The following PDE7B variants were observed in gnomAD, a reference collection of about 807,000 sequenced individuals.
PDE7B encodes 3',5'-cyclic-AMP phosphodiesterase 7B.
PDE7B carries 29 observed loss-of-function variants against 56.2 expected under a neutral mutation model. The ratio of observed to expected loss-of-function variants is 0.52; its 90% CI spans 0.38 to 0.70. The LOEUF is 0.70. PDE7B is among the 30% of genes least tolerant of loss of function. PDE7B has a pLI of 0.00. For missense variants in PDE7B, 490 were observed against 565.0 expected, an observed-to-expected ratio of 0.87 and a Z score of 1.35; for synonymous variants, 197 against 196.9, an observed-to-expected ratio of 1.00 and a Z score of 0.00.
rs1778756921 is a variant in PDE7B at position 136,164,211 on chromosome 6, A to C, written c.711+8453A>C. ...CATCATAGCAGAAGGAGAGGCAAAC[A>C]CATCCTTCTTCACATGGTGGCAGGA... On this transcript the variant is annotated intron_variant, in intron 8 of 12. Transcript: ENST00000308191. 2.0e-5 allele frequency among the ~76,000 whole-genome samples: 3 copies of C among 152,226 alleles called. No homozygotes were observed. The South Asian group carries it at 6.2e-4, about 31-fold the overall frequency.
chr6:136,096,668 CTAT>C (rs958174193), intron 2 of PDE7B, among the ~76,000 whole-genome samples: 1 of 151,784 alleles, frequency 6.6e-6, no homozygotes, highest in African/African-American at 2.4e-5. Context: ...TTAGAAATTA[CTAT>C]TATTCTTAAG....
intron 2 of PDE7B, among the ~76,000 whole-genome samples, chr6:136,024,567 A>G (rs560689925): frequency 1.3e-5 from 2 of 152,166 alleles, no homozygotes; most frequent in Non-Finnish European, 2.9e-5. Flanking sequence ...GGGGTTACCA[A>G]TGCCAGCTCC....
chr6:136,063,350 T>C (rs1776875674), intron 2 of PDE7B, among the ~76,000 whole-genome samples: 2 of 152,178 alleles, frequency 1.3e-5, no homozygotes, highest in African/African-American at 4.8e-5. Context: ...CAATGGGATA[T>C]CTTGAGGTTA....
intron 1 of PDE7B, among the ~76,000 whole-genome samples, chr6:135,894,004 C>T (rs186157626): frequency 9.9e-4 from 151 of 152,108 alleles, no homozygotes; most frequent in Admixed American, 2.8e-3. Context: ...ATTTATATTC[C>T]ACCCACTTCC....
chr6:135,905,634 C>G (rs543130918), intron 1 of PDE7B, among the ~76,000 whole-genome samples: 1 of 152,028 alleles, frequency 6.6e-6, no homozygotes, highest in Non-Finnish European at 1.5e-5. Context: ...TGAACATGGC[C>G]GAACATCGTG....
At chr6:136,066,946 C>G (rs1776948211) in intron 2 of PDE7B, among the ~76,000 whole-genome samples, 1 of 151,580 alleles carries the variant, frequency 6.6e-6, no homozygotes, top group African/African-American at 2.4e-5. Context: ...GCCTAGAACT[C>G]CTGGCCGCAA....
intron 3 of PDE7B, among the ~76,000 whole-genome samples, chr6:136,128,197 G>A (rs17065285): frequency 0.052 from 7,846 of 152,170 alleles, 673 homozygotes; most frequent in African/African-American, 0.17. Context: ...CTTAGCACCC[G>A]TGTGCAAATC....
chr6:136,173,333 C>T (rs1778924001), intron 8 of PDE7B, among the ~76,000 whole-genome samples: 2 of 152,062 alleles, frequency 1.3e-5, no homozygotes, highest in Admixed American at 1.3e-4. Flanking sequence ...GAACAGAGCC[C>T]TCAGAAATAA....
At chr6:135,938,579 G>T (rs148622805) in intron 1 of PDE7B, among the ~76,000 whole-genome samples, 1 of 152,292 alleles carries the variant, frequency 6.6e-6, no homozygotes, top group African/African-American at 2.4e-5. Context: ...CTAAAATGGA[G>T]CTTGTGCAGA....
intron 5 of PDE7B, among the ~76,000 whole-genome samples, chr6:136,150,921 A>C (rs921771619): frequency 2.0e-4 from 31 of 151,946 alleles, no homozygotes; most frequent in African/African-American, 7.2e-4. Flanking sequence ...CTAACTCTTA[A>C]TGTCTTCATT....
At chr6:135,906,489 G>A (rs1272381177) in intron 1 of PDE7B, among the ~76,000 whole-genome samples, 1 of 152,004 alleles carries the variant, frequency 6.6e-6, no homozygotes, top group Non-Finnish European at 1.5e-5. Flanking sequence ...ATTCCCAAAT[G>A]GATATTCTGA....
intron 1 of PDE7B, among the ~76,000 whole-genome samples, chr6:135,915,571 C>A (rs531742932): frequency 6.6e-6 from 1 of 151,880 alleles, no homozygotes; most frequent in Admixed American, 6.6e-5. Flanking sequence ...GGGTATAATT[C>A]GTATACTGTA....
At chr6:136,026,282 G>A (rs1445375529) in intron 2 of PDE7B, among the ~76,000 whole-genome samples, 1 of 152,090 alleles carries the variant, frequency 6.6e-6, no homozygotes. Context: ...CGTGCAACAT[G>A]TTCTTCCTCT....
intron 3 of PDE7B, among the ~76,000 whole-genome samples, chr6:136,138,823 C>T (rs1219655019): frequency 1.3e-5 from 2 of 152,088 alleles, no homozygotes; most frequent in African/African-American, 4.8e-5. Context: ...ATAAAGAATA[C>T]ACATCATGAT....
At chr6:135,965,618 C>T (rs950959411) in intron 2 of PDE7B, among the ~76,000 whole-genome samples, 23 of 152,118 alleles carry the variant, frequency 1.5e-4, no homozygotes, top group African/African-American at 5.6e-4. Context: ...CAGGGAAACT[C>T]CCCTTTATAA....
At chr6:135,930,169 C>T (rs1455569586) in intron 1 of PDE7B, among the ~76,000 whole-genome samples, 1 of 152,136 alleles carries the variant, frequency 6.6e-6, no homozygotes, top group East Asian at 1.9e-4. Flanking sequence ...CAAGTCACCT[C>T]TTACATGGAT....
intron 2 of PDE7B, among the ~76,000 whole-genome samples, chr6:136,048,413 C>T (rs557776859): frequency 2.0e-5 from 3 of 152,122 alleles, no homozygotes; most frequent in Admixed American, 6.5e-5. Context: ...CCCAGCTACT[C>T]GGGAGGCTGA....
At chr6:135,876,485 C>T (rs574677108) in intron 1 of PDE7B, among the ~76,000 whole-genome samples, 65 of 152,326 alleles carry the variant, frequency 4.3e-4, no homozygotes, top group South Asian at 2.9e-3. Context: ...GGTGAAATTT[C>T]AGCCATGCTT....
intron 2 of PDE7B, chr6:136,034,262 A>C (rs945988313): frequency 6.6e-6 from 1 of 152,204 alleles, no homozygotes; most frequent in African/African-American, 2.4e-5. Context: ...CCCATAGTCT[A>C]CAAGATTTTT....
Sources: allele counts gnomAD v4.1 joint callset (sites outside exome capture counted in the v4.1 genomes callset), GRCh38; gene constraint gnomAD v4.1.1; transcripts MANE v1.5; gene names NCBI Gene and HGNC (gene_info 2026-07-23, HGNC 2026-07-21).